UNC5D: variants seen among roughly 807,000 people sequenced by gnomAD.
UNC5D encodes the protein netrin receptor UNC5D.
Under a neutral mutation model 105.4 loss-of-function variants are expected in UNC5D, and 39 were observed. The observed-to-expected ratio is 0.37, with a 90% confidence interval of 0.29 to 0.48. The LOEUF (loss-of-function observed/expected upper bound fraction) is 0.48, where lower values mean the gene tolerates loss of function less well. Among genes scored for constraint, UNC5D ranks in the 20% least tolerant of loss-of-function variants. The pLI is 0.98. For missense variants in UNC5D, 991 were observed against 1,202.4 expected, an observed-to-expected ratio of 0.82 and a Z score of 2.60; for synonymous variants, 452 against 450.4, an observed-to-expected ratio of 1.00 and a Z score of -0.04.
chr8:35,787,401 C>T (rs1802795649), intron 16 of UNC5D, among the ~76,000 whole-genome samples: 1 of 152,164 alleles, frequency 6.6e-6, no homozygotes. Flanking sequence ...TCATCATTCT[C>T]ATGATGGACA....
At chr8:35,683,796 T>C in intron 5 of UNC5D, 69 bp downstream of exon 5, 1 of 1,373,378 alleles carries the variant, frequency 7.3e-7, no homozygotes, top group Non-Finnish European at 9.4e-7. Context: ...TGTGTTTTAT[T>C]AAAACTTTCA....
chr8:35,733,464 G>A (rs1405342548), intron 11 of UNC5D, among the ~76,000 whole-genome samples: 1 of 152,108 alleles, frequency 6.6e-6, no homozygotes, highest in Non-Finnish European at 1.5e-5. Context: ...TGAGAAGAAG[G>A]CCCGTTTTCC....
intron 4 of UNC5D, among the ~76,000 whole-genome samples, chr8:35,668,710 A>G (rs1183550145): frequency 6.6e-6 from 1 of 152,144 alleles, no homozygotes; most frequent in Non-Finnish European, 1.5e-5. Context: ...TTAACAGAGT[A>G]GGAAAGTATA....
At chr8:35,321,602 T>C (rs977445334) in intron 1 of UNC5D, among the ~76,000 whole-genome samples, 8 of 152,186 alleles carry the variant, frequency 5.3e-5, no homozygotes, top group African/African-American at 1.9e-4. Context: ...AATCACCCAG[T>C]CATGGGCATT....
rs1418627408 is a variant in UNC5D at position 35,401,667 on chromosome 8, C to T, written c.104-147625C>T. 3.3e-5 allele frequency among the ~76,000 whole-genome samples: 5 copies of T among 152,118 alleles called. No individual in the cohort carries two copies. In the South Asian group the frequency reaches 8.3e-4, roughly 25 times the overall value. On this transcript the variant is annotated intron_variant, in intron 1 of 16. Coordinates refer to ENST00000404895, the MANE Select transcript of UNC5D (RefSeq NM_080872.4). Reference sequence around the variant, plus strand: ...AACCTTATTCCTCTCTTTCCCTAAACTGAAAGTTGGTGCAGCAGACACCAG... The same window carrying T: ...AACCTTATTCCTCTCTTTCCCTAAATTGAAAGTTGGTGCAGCAGACACCAG...
chr8:35,521,060 G>A (rs926123120), intron 1 of UNC5D, among the ~76,000 whole-genome samples: 31 of 152,120 alleles, frequency 2.0e-4, no homozygotes, highest in African/African-American at 7.5e-4. Flanking sequence ...TAGACAAAGG[G>A]TGATGTCATG....
intron 1 of UNC5D, among the ~76,000 whole-genome samples, chr8:35,442,409 A>C (rs998009759): frequency 2.6e-5 from 4 of 152,024 alleles, no homozygotes; most frequent in Non-Finnish European, 4.4e-5. Context: ...GATTGTGACA[A>C]ACACAAGAGT....
At chr8:35,594,242 T>G (rs574357089) in intron 3 of UNC5D, among the ~76,000 whole-genome samples, 1 of 152,288 alleles carries the variant, frequency 6.6e-6, no homozygotes, top group East Asian at 1.9e-4. Flanking sequence ...TGGTTGCCTC[T>G]GGGAGGGAAA....
chr8:35,462,635 C>T (rs1215968011), intron 1 of UNC5D, among the ~76,000 whole-genome samples: 2 of 152,088 alleles, frequency 1.3e-5, no homozygotes, highest in African/African-American at 4.8e-5. Context: ...TTCATTATTT[C>T]TGTACTTTAT....
intron 1 of UNC5D, among the ~76,000 whole-genome samples, chr8:35,362,295 TTAAG>T (rs771530797): frequency 1.3e-5 from 2 of 152,240 alleles, no homozygotes; most frequent in Non-Finnish European, 2.9e-5. Context: ...TTAGAACTCT[TTAAG>T]TAAATGGATT....
At chr8:35,700,324 C>A (rs1263264216) in intron 7 of UNC5D, among the ~76,000 whole-genome samples, 2 of 152,042 alleles carry the variant, frequency 1.3e-5, no homozygotes, top group Admixed American at 1.3e-4. Context: ...CCATCTTTTT[C>A]TTGCTGTGAC....
intron 1 of UNC5D, among the ~76,000 whole-genome samples, chr8:35,494,519 A>C (rs1240043450): frequency 6.6e-6 from 1 of 152,338 alleles, no homozygotes; most frequent in South Asian, 2.1e-4. Flanking sequence ...TTCATTTTAC[A>C]GATAGAAAAT....
chr8:35,712,163 C>CG (rs543739388), intron 8 of UNC5D, among the ~76,000 whole-genome samples: 2,447 of 152,148 alleles, frequency 0.016, 31 homozygotes, highest in Non-Finnish European at 0.027. Context: ...CCCAGCTACT[C>CG]GGGAGGCTGA....
chr8:35,399,639 A>C (rs1161778225), intron 1 of UNC5D, among the ~76,000 whole-genome samples: 5 of 152,194 alleles, frequency 3.3e-5, no homozygotes, highest in Non-Finnish European at 2.9e-5. Flanking sequence ...TTTAAAGGAT[A>C]AGAAAAAAGT....
At chr8:35,527,193 A>C (rs562959595) in intron 1 of UNC5D, among the ~76,000 whole-genome samples, 1 of 151,594 alleles carries the variant, frequency 6.6e-6, no homozygotes, top group East Asian at 1.9e-4. Context: ...AAGTACTTCC[A>C]GATTGATTTC....
intron 15 of UNC5D, 104 bp from the exon 16 acceptor site, chr8:35,774,195 C>G: frequency 6.3e-6 from 8 of 1,279,178 alleles, no homozygotes; most frequent in Non-Finnish European, 6.6e-6. Flanking sequence ...AACAGGCAAG[C>G]ATTTTGTGCA....
chr8:35,317,141 T>C (rs1263301383), intron 1 of UNC5D, among the ~76,000 whole-genome samples: 1 of 152,154 alleles, frequency 6.6e-6, no homozygotes, highest in East Asian at 1.9e-4. Flanking sequence ...AGCAGTGGAG[T>C]TTAGAAATAA....
In UNC5D at chr8:35,759,339, G is replaced by A. The variant is rs35487923; in HGVS notation, c.2183G>A (p.Arg728Lys). ...CAFQEVVSDE[R>K]HQGGQLLEEP... ...CTATAGGAAGTGGTTTCAGATGAAA[G>A]GCATCAAGGTGGACAGCTCCTGGAA... Residue 728 changes from arginine (R) to lysine (K), a missense_variant, in exon 14 of 17, where the codon AGG (arginine) becomes AAG (lysine). Physicochemically the swap from Arg to Lys is conservative, Grantham distance 26 (BLOSUM62 2). This residue lies in a region of UNC5D where 944 missense variants were observed against 1,131.6 expected (regional missense o/e 0.83). Coordinates refer to ENST00000404895, the MANE Select transcript of UNC5D (RefSeq NM_080872.4). 4,124 of 1,613,094 alleles carry A rather than the reference G, an allele frequency of 2.6e-3. 61 individuals are homozygous for A. In the African/African-American group the frequency reaches 0.038, roughly 15 times the overall value.
At position 35,374,970 on chromosome 8, in the gene UNC5D, C is replaced by G. The variant is rs1023899007; in HGVS notation, c.103+139083C>G. 3.3e-5 allele frequency among the ~76,000 whole-genome samples: 5 copies of G among 152,148 alleles called. 1 individual carries two copies. The highest frequency in any genetic ancestry group is 1.5e-5 in the Non-Finnish European group (1 of 67,988). On this transcript the variant is annotated intron_variant, in intron 1 of 16. Transcript: ENST00000404895. ...GTTTTATTATAAGGAGCTAAATGTT[C>G]TTTTTACAACATTTTCTATATTATT...
Sources: allele counts gnomAD v4.1 joint callset (sites outside exome capture counted in the v4.1 genomes callset), GRCh38; gene constraint gnomAD v4.1.1; regional missense constraint gnomAD v4.1.1; transcripts MANE v1.5; gene names NCBI Gene and HGNC (gene_info 2026-07-23, HGNC 2026-07-21).